ITGB3BP: variants seen among roughly 807,000 people sequenced by gnomAD.
ITGB3BP encodes the protein integrin subunit beta 3 binding protein.
ITGB3BP carries 27 observed loss-of-function variants against 29.1 expected under a neutral mutation model. The ratio of observed to expected loss-of-function variants is 0.93; its 90% confidence interval spans 0.68 to 1.28. The LOEUF (loss-of-function observed/expected upper bound fraction) is 1.28, where lower values mean the gene tolerates loss of function less well. Ranked by LOEUF, ITGB3BP falls within the 50% of genes most tolerant of loss-of-function variation. The pLI is 0.00. For missense variants in ITGB3BP, 192 were observed against 200.2 expected, an observed-to-expected ratio of 0.96 and a Z score of 0.25; for synonymous variants, 61 against 61.4, an observed-to-expected ratio of 0.99 and a Z score of 0.03.
At chr1:63,486,163 T>C (rs950300152) in intron 3 of ITGB3BP, among the ~76,000 whole-genome samples, 3 of 152,098 alleles carry the variant, frequency 2.0e-5, no homozygotes, top group Non-Finnish European at 2.9e-5. Context: ...GAGTGATTTT[T>C]ACAGATCTAT....
intron 4 of ITGB3BP, among the ~76,000 whole-genome samples, chr1:63,474,645 A>G (rs1035478105): frequency 3.9e-5 from 6 of 152,072 alleles, no homozygotes; most frequent in Non-Finnish European, 7.4e-5. Flanking sequence ...TCAGGGTTAA[A>G]TGGATTAAGG....
chr1:63,472,149 G>C (rs1355101254), intron 4 of ITGB3BP, among the ~76,000 whole-genome samples: 2 of 150,774 alleles, frequency 1.3e-5, no homozygotes, highest in African/African-American at 4.9e-5. Context: ...ATAATAAATT[G>C]GCATTTCCAT....
chr1:63,482,544 T>C (rs1179826172), intron 3 of ITGB3BP, among the ~76,000 whole-genome samples: 1 of 151,868 alleles, frequency 6.6e-6, no homozygotes, highest in Non-Finnish European at 1.5e-5. Flanking sequence ...GTGAATGAGA[T>C]ACTGATACAG....
intron 2 of ITGB3BP, among the ~76,000 whole-genome samples, chr1:63,505,048 C>T: frequency 6.6e-6 from 1 of 152,188 alleles, no homozygotes; most frequent in East Asian, 1.9e-4. Flanking sequence ...GGAGGATTCC[C>T]TCTTTTTCTA....
At chr1:63,470,065 C>T (rs1181349224) in intron 4 of ITGB3BP, among the ~76,000 whole-genome samples, 1 of 152,228 alleles carries the variant, frequency 6.6e-6, no homozygotes, top group Non-Finnish European at 1.5e-5. Context: ...TCCTTTAATT[C>T]CTTTAATTCA....
At chr1:63,455,016 C>T (rs775491878) in intron 4 of ITGB3BP, 48 bp from the exon 5 acceptor site, 4 of 898,352 alleles carry the variant, frequency 4.5e-6, no homozygotes, top group African/African-American at 1.7e-5. Flanking sequence ...AGCATTTAAA[C>T]ATGGCAAATC....
chr1:63,493,218 G>A (rs1444479986), intron 2 of ITGB3BP, among the ~76,000 whole-genome samples: 1 of 152,022 alleles, frequency 6.6e-6, no homozygotes, highest in African/African-American at 2.4e-5. Flanking sequence ...CCGAGTAGGA[G>A]ACCAGCCTGG....
chr1:63,484,049 C>T lies in ITGB3BP; in HGVS notation c.185-5216G>A, dbSNP rs1460593917. Among the ~76,000 whole-genome samples, 14 of 152,094 alleles carry T rather than the reference C, an allele frequency of 9.2e-5. 1 individual carries two copies. The highest frequency in any genetic ancestry group is 9.2e-4 in the Admixed American group (14 of 15,284). On this transcript the variant is annotated intron_variant, in intron 3 of 8. Transcript: ENST00000271002. ...TGCATTTGTAAGTACAGTTGGCCCT[C>T]TGTATTAGTGGATTCCACATCTGTG...
intron 2 of ITGB3BP, among the ~76,000 whole-genome samples, chr1:63,500,355 G>A (rs867727683): frequency 6.6e-6 from 1 of 151,886 alleles, no homozygotes; most frequent in South Asian, 2.1e-4. Flanking sequence ...TCCAGCCTGG[G>A]CAAAAGAGCA....
chr1:63,454,939 T>C lies in ITGB3BP; in HGVS notation c.284A>G (p.Lys95Arg). The change falls in exon 5 of 9, where the codon AAA becomes AGA. Residue 95 changes from lysine (K) to arginine (R), a missense_variant. Lys to Arg is a conservative substitution (Grantham distance 26). Transcript: ENST00000271002. The surrounding 1 kb of genome is among the most constrained non-coding windows in gnomAD (Gnocchi z 4.1). The part of the protein sequence containing the change: ...EFMMLLSKVE[K>R]LSEEIMEIMQ... ...TATCTCCATGATTTCTTCTGACAAT[T>C]TCTCAACTTTTGATAGCAACATCAT... 1.3e-6 allele frequency: 2 copies of C among 1,566,382 alleles called. No homozygotes were observed. The highest frequency in any genetic ancestry group is 1.8e-6 in the Non-Finnish European group (2 of 1,137,892).
intron 4 of ITGB3BP, among the ~76,000 whole-genome samples, chr1:63,456,940 T>A (rs1644943857): frequency 6.6e-6 from 1 of 152,228 alleles, no homozygotes. Context: ...TGGAGACTTG[T>A]ATGGATTAAA....
At chr1:63,469,723 G>A (rs1240377879) in intron 4 of ITGB3BP, among the ~76,000 whole-genome samples, 1 of 152,240 alleles carries the variant, frequency 6.6e-6, no homozygotes, top group Admixed American at 6.5e-5. Flanking sequence ...GCAAGGCCAT[G>A]CAGTCCAAAA....
Position 63,490,095 on chromosome 1 carries a change from C to T in ITGB3BP, c.172G>A (p.Gly58Arg). The T allele has an allele frequency of 6.2e-7, 1 of 1,610,170 alleles. No homozygotes were observed. The highest frequency in any genetic ancestry group is 8.5e-7 in the Non-Finnish European group (1 of 1,178,260). The change falls in exon 3 of 9, where the codon GGA (glycine) becomes AGA (arginine). Residue 58 changes from glycine to arginine, a missense_variant. By Grantham distance (125) the Gly-to-Arg change is moderately radical (BLOSUM62 -2). Transcript: ENST00000271002. ...ATGTTCAACTAACCATTTGATAGTC[C>T]ATTTCTGTGCTTTTGCTCTTCAGAA... ...TSSEEQKHRN[G>R]LSNEKRKKLN...
rs1226497654 is a variant in ITGB3BP at position 63,472,669 on chromosome 1, G to A, written c.254+6095C>T. Among the ~76,000 whole-genome samples, 87 of 151,378 alleles carry A rather than the reference G, an allele frequency of 5.7e-4. 1 individual carries two copies. The highest frequency in any genetic ancestry group is 1.9e-3 in the African/African-American group (80 of 41,386). On this transcript the variant is annotated intron_variant, in intron 4 of 8. Coordinates refer to ENST00000271002, the MANE Select transcript of ITGB3BP (RefSeq NM_014288.5). ...TTTTTTTTTTTTTGGTGGAGACGGG[G>A]TTTTGCTGTGTTGGCCGGGCTGGTC...
upstream of ITGB3BP, among the ~76,000 whole-genome samples, chr1:63,525,139 T>G (rs1451572995): frequency 6.6e-6 from 1 of 152,218 alleles, no homozygotes; most frequent in Non-Finnish European, 1.5e-5. Context: ...ATATTGTATA[T>G]GCTTCACATG....
intron 2 of ITGB3BP, among the ~76,000 whole-genome samples, chr1:63,505,934 C>G (rs566460507): frequency 6.6e-6 from 1 of 152,162 alleles, no homozygotes. Context: ...TTACTTCCAA[C>G]TATGTGGTCA....
chr1:63,522,692 AAG>A (rs1646482941), intron 1 of ITGB3BP, among the ~76,000 whole-genome samples: 1 of 152,182 alleles, frequency 6.6e-6, no homozygotes, highest in Non-Finnish European at 1.5e-5. Flanking sequence ...CCAACAGTGA[AAG>A]AGTCTTATCT....
intron 4 of ITGB3BP, among the ~76,000 whole-genome samples, chr1:63,469,110 C>A (rs1264681410): frequency 1.3e-5 from 2 of 151,308 alleles, no homozygotes; most frequent in East Asian, 3.9e-4. Context: ...TTTTACCTCT[C>A]TAAATGTCAG....
At chr1:63,441,142 G>A (rs1644724617) in intron 8 of ITGB3BP, 39 bp from the exon 9 acceptor site, 1 of 152,208 alleles carries the variant, frequency 6.6e-6, no homozygotes, top group African/African-American at 2.4e-5. Flanking sequence ...TCAAGAATTA[G>A]TTAACATGCA....
Sources: gnomAD v4.1 joint callset for allele counts (sites outside exome capture counted in the v4.1 genomes callset) on GRCh38, gnomAD v4.1.1 for gene constraint, Gnocchi (gnomAD v3.1) non-coding constraint, MANE v1.5 for transcripts, NCBI Gene and HGNC (gene_info 2026-07-23, HGNC 2026-07-21) for gene names.